STAT4: variants seen among roughly 807,000 people sequenced by gnomAD.
STAT4 encodes the protein signal transducer and activator of transcription 4.
In STAT4, 42 loss-of-function variants were observed where a neutral mutation model predicts 110.5. The observed-to-expected ratio is 0.38, with a 90% CI of 0.30 to 0.49. STAT4 has a LOEUF of 0.49. STAT4 is among the 20% of genes least tolerant of loss of function. The probability of loss-of-function intolerance (pLI) is 0.95; values close to 1 mark genes in which losing one functional copy is unlikely to be tolerated. For missense variants in STAT4, 632 were observed against 887.9 expected, an observed-to-expected ratio of 0.71 and a Z score of 3.66; for synonymous variants, 284 against 302.2, an observed-to-expected ratio of 0.94 and a Z score of 0.63.
intron 3 of STAT4, among the ~76,000 whole-genome samples, chr2:191,109,178 A>G (rs1012148514): frequency 6.6e-6 from 1 of 152,210 alleles, no homozygotes; most frequent in African/African-American, 2.4e-5. Context: ...AATTATCTCC[A>G]TTTCTACAAG....
chr2:191,088,699 GACA>G (rs1697706481), intron 3 of STAT4, among the ~76,000 whole-genome samples: 1 of 152,184 alleles, frequency 6.6e-6, no homozygotes, highest in East Asian at 1.9e-4. Context: ...TAGTAATCAA[GACA>G]GTGTGGTACA....
At position 191,144,969 on chromosome 2, in the gene STAT4, C is replaced by A. The variant is rs1559087461; in HGVS notation, c.273+1644G>T. Reference sequence around the variant, plus strand: ...GACCTTCTTGGTTCCAAAGACCATGCATCATCTATTAATATTTTCCCCATC... The same window carrying A: ...GACCTTCTTGGTTCCAAAGACCATGAATCATCTATTAATATTTTCCCCATC... On this transcript the variant is annotated intron_variant, in intron 3 of 23. Transcript: ENST00000392320. This position sits in a 1 kb window ranked among gnomAD's most constrained non-coding sequence, Gnocchi z 4.7. Among the ~76,000 whole-genome samples the A allele has an allele frequency of 6.6e-6, 1 of 152,134 alleles. No individual in the cohort carries two copies. The highest frequency in any genetic ancestry group is 1.5e-5 in the Non-Finnish European group (1 of 68,022).
In STAT4 at chr2:191,066,570, C is replaced by T; in HGVS notation, c.545-55G>A. The T allele has an allele frequency of 6.5e-7, 1 of 1,541,676 alleles. No homozygotes were observed. ...TTCTCTCTATTCCTGAAAGTCAAGT[C>T]AGCCTCAATCCACCATCCTAAAACA... On this transcript the variant is annotated intron_variant, in intron 6 of 23. Coordinates refer to ENST00000392320, the MANE Select transcript of STAT4 (RefSeq NM_003151.4). The surrounding 1 kb of genome is among the most constrained non-coding windows in gnomAD (Gnocchi z 4.3).
chr2:191,055,400 T>C (rs1290730794), intron 13 of STAT4, among the ~76,000 whole-genome samples: 1 of 128,362 alleles, frequency 7.8e-6, no homozygotes, highest in Admixed American at 8.7e-5. Context: ...TTTGTATTTT[T>C]AGTAGAGACG....
rs528682418 is a variant in STAT4, at chr2:191,044,500, A to G, written c.1252-3352T>C. ...AAGTCCTCTGGAAATTTGGCTCCCT[A>G]GTACTTTTTCTCTGGAAACTACTGA... On this transcript the variant is annotated intron_variant, in intron 14 of 23. Coordinates refer to ENST00000392320, the MANE Select transcript of STAT4 (RefSeq NM_003151.4). 4.6e-5 allele frequency among the ~76,000 whole-genome samples: 7 copies of G among 152,308 alleles called. No homozygotes were observed. In the South Asian group the frequency reaches 6.2e-4, roughly 14 times the overall value.
Position 191,035,232 on chromosome 2 carries a change from A to G in STAT4, c.1571-635T>C, listed in dbSNP as rs1042640238. 3.3e-5 allele frequency among the ~76,000 whole-genome samples: 5 copies of G among 152,256 alleles called. No individual in the cohort carries two copies. The highest frequency in any genetic ancestry group is 7.3e-5 in the Non-Finnish European group (5 of 68,038). Reference sequence around the variant, plus strand: ...TCTATACTACATGTTTAAAAGCTTTAGTCACTCTAACAAATGTTTATTGAA... The same window carrying G: ...TCTATACTACATGTTTAAAAGCTTTGGTCACTCTAACAAATGTTTATTGAA... On this transcript the variant is annotated intron_variant, in intron 17 of 23. Coordinates refer to ENST00000392320, the MANE Select transcript of STAT4 (RefSeq NM_003151.4). The surrounding 1 kb of genome is among the most constrained non-coding windows in gnomAD (Gnocchi z 4.7).
intron 3 of STAT4, among the ~76,000 whole-genome samples, chr2:191,130,102 A>G (rs1435643096): frequency 6.6e-6 from 1 of 152,198 alleles, no homozygotes; most frequent in Admixed American, 6.5e-5. Context: ...CTGGGAATAG[A>G]ATTAGCTAAT....
chr2:191,062,772 G>C lies in STAT4; in HGVS notation c.931C>G (p.Leu311Val), dbSNP rs749227253. ...TAGCACTTCACTTACTTCTTGAAAA[G>C]GTTGTAGATCAAGAAGGTGACTCTT... Reference protein sequence around the residue: ...LERVTFLIYNLFKNSFVVERQ... With the variant: ...LERVTFLIYNVFKNSFVVERQ... The change falls in exon 9 of 24, where the codon CTT becomes GTT. Residue 311 changes from leucine to valine, a missense_variant. Transcript: ENST00000392320. The surrounding 1 kb of genome is among the most constrained non-coding windows in gnomAD (Gnocchi z 4.9). 2.4e-5 allele frequency: 38 copies of C among 1,613,660 alleles called. No individual in the cohort carries two copies. The highest frequency in any genetic ancestry group is 3.2e-5 in the Non-Finnish European group (38 of 1,179,790).
At position 191,040,342 on chromosome 2, in the gene STAT4, T is replaced by C. The variant is rs3024874; in HGVS notation, c.1335+723A>G. 6.2e-3 allele frequency among the ~76,000 whole-genome samples: 951 copies of C among 152,238 alleles called. 13 individuals carry two copies. The highest frequency in any genetic ancestry group is 0.02 in the African/African-American group (848 of 41,542). ...AGATAAATCTTCCTTCTGTGAGTTT[T>C]TATGTAAAGTTAAATTTTTGAAAAT... On this transcript the variant is annotated intron_variant, in intron 15 of 23. Transcript: ENST00000392320.
intron 14 of STAT4, among the ~76,000 whole-genome samples, chr2:191,052,399 G>GA (rs1454148591): frequency 6.6e-6 from 1 of 151,770 alleles, no homozygotes; most frequent in Non-Finnish European, 1.5e-5. Context: ...GGCAAACCTG[G>GA]AAAAAAAGGG....
At position 191,117,983 on chromosome 2, in the gene STAT4, G is replaced by A. The variant is rs1698616095; in HGVS notation, c.273+28630C>T. Among the ~76,000 whole-genome samples, 1 of 152,148 alleles carries A rather than the reference G, an allele frequency of 6.6e-6. No individual in the cohort carries two copies. The highest frequency in any genetic ancestry group is 6.5e-5 in the Admixed American group (1 of 15,270). On this transcript the variant is annotated intron_variant, in intron 3 of 23. Transcript: ENST00000392320. The surrounding 1 kb of genome is among the most constrained non-coding windows in gnomAD (Gnocchi z 5.2). The stretch of plus-strand genomic sequence containing the variant: ...GATGGGACACAGTATCCTCCAAAGA[G>A]AACCAAATGCAACAAACCAATGCTT...
chr2:191,036,343 G>T, intron 16 of STAT4, 44 bp from the exon 17 acceptor site: 1 of 1,603,518 alleles, frequency 6.2e-7, no homozygotes, highest in South Asian at 1.1e-5. Context: ...ATCTTACAGT[G>T]GGTAGCTAGT....
In STAT4 at chr2:191,147,825, A is replaced by G. The variant is rs533242316; in HGVS notation, c.128+251T>C. 2.0e-5 allele frequency among the ~76,000 whole-genome samples: 3 copies of G among 152,210 alleles called. No individual in the cohort carries two copies. The highest frequency in any genetic ancestry group is 4.1e-4 in the South Asian group (2 of 4,838). ...ATTGATTTGCTTCTTTTTTTAATAC[A>G]TGAAAAATTATTTGGGTTTTTGTTT... On this transcript the variant is annotated intron_variant, in intron 2 of 23. Transcript: ENST00000392320. This position sits in a 1 kb window ranked among gnomAD's most constrained non-coding sequence, Gnocchi z 4.1.
intron 3 of STAT4, among the ~76,000 whole-genome samples, chr2:191,078,467 A>G (rs1319051037): frequency 6.6e-6 from 1 of 152,100 alleles, no homozygotes; most frequent in African/African-American, 2.4e-5. Flanking sequence ...ATATCTTTTC[A>G]CTTTCCTTTT....
chr2:191,135,497 G>A lies in STAT4; in HGVS notation c.273+11116C>T, dbSNP rs1049409429. The stretch of plus-strand genomic sequence containing the variant: ...TTGTTTTTGTTTGTTTGTTTGAGAT[G>A]GAGTCTCACTCTGTCGCCCAGGCTG... On this transcript the variant is annotated intron_variant, in intron 3 of 23. Coordinates refer to ENST00000392320, the MANE Select transcript of STAT4 (RefSeq NM_003151.4). The surrounding 1 kb of genome is among the most constrained non-coding windows in gnomAD (Gnocchi z 4.8). Among the ~76,000 whole-genome samples, 11 of 152,054 alleles carry A rather than the reference G, an allele frequency of 7.2e-5. No individual in the cohort carries two copies. The highest frequency in any genetic ancestry group is 1.2e-4 in the Non-Finnish European group (8 of 68,004).
At chr2:191,075,674 C>T (rs753271917) in intron 4 of STAT4, among the ~76,000 whole-genome samples, 1 of 152,070 alleles carries the variant, frequency 6.6e-6, no homozygotes, top group Non-Finnish European at 1.5e-5. Context: ...GACATACACT[C>T]TGGAAAGACA....
chr2:191,108,424 T>C (rs1406847292), intron 3 of STAT4, among the ~76,000 whole-genome samples: 1 of 152,154 alleles, frequency 6.6e-6, no homozygotes, highest in East Asian at 1.9e-4. Context: ...AAGATGAACA[T>C]CCTTTTGAAA....
chr2:191,079,260 C>T (rs1697399514), intron 3 of STAT4, among the ~76,000 whole-genome samples: 1 of 152,068 alleles, frequency 6.6e-6, no homozygotes, highest in African/African-American at 2.4e-5. Flanking sequence ...TATGCACACC[C>T]TGGTTGAGAA....
chr2:191,128,053 A>C (rs111987855), intron 3 of STAT4, among the ~76,000 whole-genome samples: 1 of 152,240 alleles, frequency 6.6e-6, no homozygotes, highest in Non-Finnish European at 1.5e-5. Flanking sequence ...TTAGGCATCA[A>C]ACAAAGTCTT....
Sources: allele counts gnomAD v4.1 joint callset (sites outside exome capture counted in the v4.1 genomes callset), GRCh38; gene constraint gnomAD v4.1.1; non-coding constraint Gnocchi (gnomAD v3.1); transcripts MANE v1.5; gene names NCBI Gene and HGNC (gene_info 2026-07-23, HGNC 2026-07-21).